The following CDKAL1 variants were observed in gnomAD, a reference collection of about 807,000 sequenced individuals.
CDKAL1 encodes CDKAL1 threonylcarbamoyladenosine tRNA methylthiotransferase, also known as threonylcarbamoyladenosine tRNA methylthiotransferase.
In CDKAL1, 32 loss-of-function variants were observed where a neutral mutation model predicts 68.2. That is an observed-to-expected ratio of 0.47 (90% CI 0.35 to 0.63). CDKAL1 has a LOEUF of 0.63. Among genes scored for constraint, CDKAL1 ranks in the 30% least tolerant of loss-of-function variants. The probability of loss-of-function intolerance (pLI) is 0.00; values close to 1 mark genes in which losing one functional copy is unlikely to be tolerated. For synonymous variants in CDKAL1, 234 were observed against 244.3 expected, an observed-to-expected ratio of 0.96 and a Z score of 0.39; for missense variants, 606 against 696.7, an observed-to-expected ratio of 0.87 and a Z score of 1.47.
intron 11 of CDKAL1, among the ~76,000 whole-genome samples, chr6:21,007,835 T>C (rs956933806): frequency 5.3e-5 from 8 of 152,226 alleles, no homozygotes; most frequent in East Asian, 1.9e-4. Context: ...AGAACCTTGA[T>C]AGAATCCAGG....
intron 15 of CDKAL1, among the ~76,000 whole-genome samples, chr6:21,214,121 T>A (rs746233060): frequency 6.6e-6 from 1 of 152,094 alleles, no homozygotes; most frequent in Non-Finnish European, 1.5e-5. Context: ...ATATTGAGAA[T>A]AGGCAAATTC....
At chr6:20,654,711 C>A (rs1368292364) in intron 5 of CDKAL1, among the ~76,000 whole-genome samples, 1 of 152,024 alleles carries the variant, frequency 6.6e-6, no homozygotes, top group Non-Finnish European at 1.5e-5. Flanking sequence ...TATTTAAGTT[C>A]TATTCTTTCT....
intron 11 of CDKAL1, among the ~76,000 whole-genome samples, chr6:21,043,025 T>C (rs1362870655): frequency 6.6e-6 from 1 of 152,190 alleles, no homozygotes; most frequent in Non-Finnish European, 1.5e-5. Flanking sequence ...TGGAAAGCAC[T>C]TGAACCTCAC....
At chr6:20,866,229 T>A (rs1004672646) in intron 9 of CDKAL1, among the ~76,000 whole-genome samples, 11 of 151,810 alleles carry the variant, frequency 7.2e-5, no homozygotes, top group Non-Finnish European at 1.5e-4. Flanking sequence ...ATAGAAAAAA[T>A]AAAGTAAAAG....
intron 10 of CDKAL1, among the ~76,000 whole-genome samples, chr6:20,985,762 C>T (rs1456466797): frequency 1.3e-5 from 2 of 151,600 alleles, no homozygotes; most frequent in Non-Finnish European, 2.9e-5. Flanking sequence ...GTGATCATGC[C>T]ACTGCATTCC....
intron 15 of CDKAL1, among the ~76,000 whole-genome samples, chr6:21,224,316 C>CAA (rs2151127136): frequency 6.6e-6 from 1 of 152,260 alleles, no homozygotes; most frequent in East Asian, 1.9e-4. Context: ...CACCTGAGGT[C>CAA]AAGAGTTTGA....
chr6:20,739,787 A>G (rs1371048955), intron 6 of CDKAL1, among the ~76,000 whole-genome samples, 172 bp downstream of exon 6: 2 of 152,128 alleles, frequency 1.3e-5, no homozygotes, highest in African/African-American at 4.8e-5. Flanking sequence ...TAACTTTTTC[A>G]CCTTAGCACA....
intron 9 of CDKAL1, among the ~76,000 whole-genome samples, chr6:20,862,514 C>A (rs1173426366): frequency 3.3e-5 from 5 of 152,008 alleles, no homozygotes; most frequent in Admixed American, 6.6e-5. Context: ...TAAATGAATT[C>A]TTATTATTAC....
At chr6:21,196,600 A>T (rs1778478571) in intron 13 of CDKAL1, among the ~76,000 whole-genome samples, 1 of 152,188 alleles carries the variant, frequency 6.6e-6, no homozygotes, top group Admixed American at 6.5e-5. Context: ...CTGGCATTGT[A>T]TGATAGAGAG....
chr6:20,826,290 G>T (rs904497322), intron 8 of CDKAL1, among the ~76,000 whole-genome samples: 2 of 152,034 alleles, frequency 1.3e-5, no homozygotes, highest in Non-Finnish European at 2.9e-5. Context: ...AATCTTTTTG[G>T]TTTTTTCCTC....
chr6:20,691,403 A>C (rs756955462), intron 5 of CDKAL1, among the ~76,000 whole-genome samples: 1 of 151,878 alleles, frequency 6.6e-6, no homozygotes, highest in Non-Finnish European at 1.5e-5. Context: ...TAGAGCTTAC[A>C]CCGAGTAATG....
intron 9 of CDKAL1, among the ~76,000 whole-genome samples, chr6:20,899,353 G>A (rs1761856348): frequency 6.6e-6 from 1 of 152,064 alleles, no homozygotes; most frequent in Non-Finnish European, 1.5e-5. Context: ...TTGAGCCACT[G>A]CGCCCGGCCC....
At chr6:20,965,175 G>A (rs1189189247) in intron 10 of CDKAL1, among the ~76,000 whole-genome samples, 6 of 152,066 alleles carry the variant, frequency 3.9e-5, no homozygotes, top group African/African-American at 1.4e-4. Context: ...AGCTTGGTAT[G>A]GTGGCACACA....
intron 5 of CDKAL1, among the ~76,000 whole-genome samples, chr6:20,736,247 A>G (rs890878135): frequency 1.3e-5 from 2 of 151,932 alleles, no homozygotes; most frequent in Non-Finnish European, 2.9e-5. Flanking sequence ...TCGTGTAAGT[A>G]TTGTCTATGG....
chr6:21,158,042 C>A (rs6931316), intron 13 of CDKAL1, among the ~76,000 whole-genome samples: 47,731 of 152,048 alleles, frequency 0.31, 7,672 homozygotes, highest in South Asian at 0.37. Flanking sequence ...TGGCTTTCCT[C>A]TCTGTTATTA....
chr6:20,776,718 G>A (rs1393463888), intron 7 of CDKAL1, among the ~76,000 whole-genome samples: 1 of 152,138 alleles, frequency 6.6e-6, no homozygotes, highest in Non-Finnish European at 1.5e-5. Flanking sequence ...GCAGTCAAAA[G>A]CAAATCATGT....
At chr6:20,905,834 A>T (rs1451300321) in intron 9 of CDKAL1, among the ~76,000 whole-genome samples, 1 of 152,196 alleles carries the variant, frequency 6.6e-6, no homozygotes, top group African/African-American at 2.4e-5. Flanking sequence ...CAGACAGCCA[A>T]AGAACCTATA....
At chr6:20,800,302 G>A (rs1199249930) in intron 8 of CDKAL1, among the ~76,000 whole-genome samples, 1 of 152,194 alleles carries the variant, frequency 6.6e-6, no homozygotes, top group Non-Finnish European at 1.5e-5. Context: ...CAAAAGCATG[G>A]ATGAAACTCA....
intron 5 of CDKAL1, among the ~76,000 whole-genome samples, chr6:20,720,224 T>C (rs1772279302): frequency 6.6e-6 from 1 of 152,150 alleles, no homozygotes; most frequent in Non-Finnish European, 1.5e-5. Context: ...GCAATGCTAA[T>C]GGATACAGGC....
Sources: gnomAD v4.1 joint callset for allele counts (sites outside exome capture counted in the v4.1 genomes callset) on GRCh38, gnomAD v4.1.1 for gene constraint, MANE v1.5 for transcripts, NCBI Gene and HGNC (gene_info 2026-07-23, HGNC 2026-07-21) for gene names.